Variants in MZT2B observed in about 807,000 individuals in gnomAD.
The protein encoded by MZT2B is mitotic spindle organizing protein 2B.
MZT2B carries 11 observed loss-of-function variants against 12.1 expected under a neutral mutation model. That is an observed-to-expected ratio of 0.91 (90% CI 0.57 to 1.50). The LOEUF (loss-of-function observed/expected upper bound fraction) is 1.50. Ranked by LOEUF, MZT2B falls within the 40% of genes most tolerant of loss-of-function variation. The probability of loss-of-function intolerance (pLI) is 0.00; values close to 1 mark genes in which losing one functional copy is unlikely to be tolerated. For synonymous variants in MZT2B, 85 were observed against 109.5 expected (o/e 0.78, Z 1.40); for missense variants, 209 against 227.7 (o/e 0.92, Z 0.53).
downstream of MZT2B, chr2:130,191,645 AC>A (rs1690260947): frequency 9.5e-7 from 1 of 1,057,698 alleles, no homozygotes; most frequent in African/African-American, 1.6e-5. Flanking sequence ...ACCCAACCCC[AC>A]GCCAGCAGGG....
At chr2:130,196,633 G>C in the MZT2B span, among the ~76,000 whole-genome samples, 1 of 152,134 alleles carries the variant, frequency 6.6e-6, no homozygotes, top group African/African-American at 2.4e-5. Context: ...TTAAAACTTG[G>C]AAGCCATTTA....
At chr2:130,187,911 C>T (rs1690119414) in intron 2 of MZT2B, among the ~76,000 whole-genome samples, 1 of 151,966 alleles carries the variant, frequency 6.6e-6, no homozygotes, top group Non-Finnish European at 1.5e-5. Flanking sequence ...CCAGGTGTGG[C>T]CCCATGCTTG....
chr2:130,183,657 C>A lies in MZT2B; in HGVS notation c.319+882C>A, dbSNP rs1420268172. 3 of 1,486,072 alleles carry A rather than the reference C, an allele frequency of 2.0e-6. No individual in the cohort carries two copies. In the South Asian group the frequency reaches 3.7e-5, roughly 18 times the overall value. The allele number at this position is 1,486,072 out of a possible 1,614,324, so 92.1% of individuals were successfully genotyped here. A position where few individuals can be genotyped will look rare whatever the true frequency, so the allele number is the denominator to read the frequency against. ...TGAGAAGGCGTGGAGAGCAGGCTGCCTTCATGGGGGGAGTGCCAGGGCCTG... is the reference window on the plus strand; with the variant it reads ...TGAGAAGGCGTGGAGAGCAGGCTGCATTCATGGGGGGAGTGCCAGGGCCTG... On this transcript the variant is annotated intron_variant, in intron 2 of 2. Coordinates refer to ENST00000281871, the MANE Select transcript of MZT2B (RefSeq NM_025029.5).
At chr2:130,193,764 C>G (rs754968027), downstream of MZT2B, 5 of 1,583,410 alleles carry the variant, frequency 3.2e-6, no homozygotes, top group South Asian at 3.5e-5. Context: ...TGCTGAAAGG[C>G]CTCCATGTCA....
intron 1 of MZT2B, 55 bp from the exon 2 acceptor site, chr2:130,182,572 G>A: frequency 1.9e-6 from 3 of 1,565,180 alleles, no homozygotes; most frequent in Non-Finnish European, 2.6e-6. Context: ...GGTCTTCAGG[G>A]AGGTGGCCGC....
chr2:130,183,854 G>A (rs1293950956), intron 2 of MZT2B: 5 of 1,550,526 alleles, frequency 3.2e-6, no homozygotes, highest in Non-Finnish European at 4.4e-6. Flanking sequence ...CCAGCCCGCA[G>A]CCTGCGGCCT....
chr2:130,199,021 T>C, the MZT2B span, among the ~76,000 whole-genome samples: 1 of 123,344 alleles, frequency 8.1e-6, no homozygotes, highest in South Asian at 2.8e-4. Context: ...GAGACCAGCC[T>C]GGCCAATATG....
chr2:130,182,089 C>G, upstream of MZT2B: 4 of 1,346,526 alleles, frequency 3.0e-6, no homozygotes, highest in Admixed American at 3.2e-5. Flanking sequence ...CCTAGAGCGC[C>G]GCTCAGCACA....
chr2:130,193,073 A>G (rs576891429), downstream of MZT2B, among the ~76,000 whole-genome samples: 4 of 147,846 alleles, frequency 2.7e-5, no homozygotes, highest in African/African-American at 1.0e-4. Context: ...AACCTGGACG[A>G]CAGAGCAAGA....
downstream of MZT2B, among the ~76,000 whole-genome samples, chr2:130,192,428 T>C (rs576815859): frequency 6.6e-5 from 10 of 152,308 alleles, 1 homozygote; most frequent in South Asian, 2.1e-3. Flanking sequence ...TGAAAATGTA[T>C]GCTGCTTGTC....
At chr2:130,186,383 G>A (rs115346716) in intron 2 of MZT2B, among the ~76,000 whole-genome samples, 10,022 of 152,288 alleles carry the variant, frequency 0.066, 450 homozygotes, top group Non-Finnish European at 0.1. Flanking sequence ...GAAGCACAGA[G>A]GGGCAATGCT....
chr2:130,198,604 G>T, the MZT2B span: 4 of 462,846 alleles, frequency 8.6e-6, 1 homozygote, highest in Admixed American at 1.8e-4. Flanking sequence ...TGGCGGGAAG[G>T]CAGCGGGGTC....
At position 130,190,712 on chromosome 2, in the gene MZT2B, C is replaced by T. The variant is rs764772991; in HGVS notation, c.*86C>T. Reference sequence around the variant, plus strand: ...ATTGATAATAAACCTTTCTGAGATGCAGAGGGTCCAGGTCAGATGTTGTCT... The same window carrying T: ...ATTGATAATAAACCTTTCTGAGATGTAGAGGGTCCAGGTCAGATGTTGTCT... On this transcript the variant is annotated 3_prime_UTR_variant, in exon 3 of 3. Coordinates refer to ENST00000281871, the MANE Select transcript of MZT2B (RefSeq NM_025029.5). 15 of 1,509,062 alleles carry T rather than the reference C, an allele frequency of 9.9e-6. No individual in the cohort carries two copies. In the African/African-American group the frequency reaches 1.5e-4, roughly 16 times the overall value. The allele number at this position is 1,509,062 out of a possible 1,614,324, so 93.5% of individuals were successfully genotyped here.
downstream of MZT2B, chr2:130,191,847 T>C: frequency 8.1e-6 from 13 of 1,606,550 alleles, no homozygotes; most frequent in South Asian, 8.9e-5. Flanking sequence ...TGCTTCGCCT[T>C]CTTCAGCCTC....
intron 2 of MZT2B, among the ~76,000 whole-genome samples, chr2:130,190,154 G>C (rs1013923363): frequency 7.9e-5 from 12 of 152,172 alleles, no homozygotes; most frequent in African/African-American, 1.9e-4. Flanking sequence ...GTGTGGACCA[G>C]CACACCTACC....
chr2:130,198,853 C>T, the MZT2B span, among the ~76,000 whole-genome samples: 2 of 121,662 alleles, frequency 1.6e-5, 1 homozygote, highest in Non-Finnish European at 3.6e-5. Context: ...GCAATTATCC[C>T]CCTCTTCCCT....
the MZT2B span, chr2:130,196,352 T>C: frequency 1.1e-5 from 17 of 1,613,664 alleles, no homozygotes; most frequent in Non-Finnish European, 1.4e-5. Context: ...CTGCCCCACG[T>C]GGATAGAGAT....
At chr2:130,204,707 G>GCT in the MZT2B span, among the ~76,000 whole-genome samples, 1 of 60,568 alleles carries the variant, frequency 1.7e-5, no homozygotes, top group Admixed American at 2.1e-4. Flanking sequence ...AAAAAAAAGG[G>GCT]GGGGTGGGGA....
chr2:130,184,732 G>A, intron 2 of MZT2B: 1 of 985,444 alleles, frequency 1.0e-6, no homozygotes, highest in South Asian at 4.7e-5. Flanking sequence ...TGGGAACAGA[G>A]TCCTTGTCAC....
Sources: gnomAD v4.1 joint callset for allele counts (sites outside exome capture counted in the v4.1 genomes callset) on GRCh38, gnomAD v4.1.1 for gene constraint, MANE v1.5 for transcripts, NCBI Gene and HGNC (gene_info 2026-07-23, HGNC 2026-07-21) for gene names.